NAA60: variants seen among roughly 807,000 people sequenced by gnomAD.
The protein encoded by NAA60 is N-alpha-acetyltransferase 60.
A neutral mutation model predicts 26.1 loss-of-function variants in NAA60; 8 were observed. That is an observed-to-expected ratio of 0.31 (90% CI 0.18 to 0.55). NAA60 has a LOEUF of 0.55. NAA60 is among the 20% of genes least tolerant of loss of function. The probability of loss-of-function intolerance (pLI) is 0.93; values close to 1 mark genes in which losing one functional copy is unlikely to be tolerated. For missense variants in NAA60, 290 were observed against 311.3 expected, an observed-to-expected ratio of 0.93 and a Z score of 0.51; for synonymous variants, 131 against 122.5, an observed-to-expected ratio of 1.07 and a Z score of -0.46.
At position 3,485,851 on chromosome 16, in the gene NAA60, T is replaced by C. The variant is rs553322156; in HGVS notation, c.*591T>C. ...GGGGTGGGCAGCCTGGGGGAGGCTT[T>C]CCTCGCAAGCACAGAGCTCTGAGGC... is the stretch of plus-strand genomic sequence containing the variant. On this transcript the variant is annotated 3_prime_UTR_variant, in exon 8 of 8. Transcript: ENST00000407558. 5 of 361,424 alleles carry C rather than the reference T, an allele frequency of 1.4e-5. No individual in the cohort carries two copies. Among genetic ancestry groups the C allele is most frequent in the South Asian group, 1.0e-4 (5 of 48,798 alleles). 22.4% of individuals were successfully genotyped at this position (361,424 alleles called of 1,614,324 possible). A position where few individuals can be genotyped will look rare whatever the true frequency, so the allele number is the denominator to read the frequency against.
At chr16:3,461,551 G>T (rs1386439563) in intron 2 of NAA60, among the ~76,000 whole-genome samples, 1 of 152,198 alleles carries the variant, frequency 6.6e-6, no homozygotes, top group Non-Finnish European at 1.5e-5. Context: ...TAGAGATGTT[G>T]CAATGTCTCT....
intron 2 of NAA60, among the ~76,000 whole-genome samples, chr16:3,455,964 CA>C (rs1253990965): frequency 2.6e-5 from 4 of 152,054 alleles, no homozygotes; most frequent in Admixed American, 2.6e-4. Context: ...CTTGACCTCC[CA>C]AAGTGCTGGG....
intron 2 of NAA60, among the ~76,000 whole-genome samples, chr16:3,457,637 C>T (rs1276637049): frequency 6.6e-6 from 1 of 152,214 alleles, no homozygotes; most frequent in Non-Finnish European, 1.5e-5. Flanking sequence ...GCCTTGTGCA[C>T]CTGCTTTCAG....
rs1441999011 is a variant in NAA60 at position 3,485,041 on chromosome 16, G to C, written c.*186G>C. On this transcript the variant is annotated 3_prime_UTR_variant, in exon 7 of 8. Transcript: ENST00000407558. ...GAACAGAACATCGTGGGCATGCGCA[G>C]AGCATGCCCATCCGTGGCAGGTACG... 6.6e-7 allele frequency: 1 copy of C among 1,509,594 alleles called. No individual in the cohort carries two copies. The highest frequency in any genetic ancestry group is 2.0e-5 in the Admixed American group (1 of 50,168). 93.5% of individuals were successfully genotyped at this position (1,509,594 alleles called of 1,614,324 possible). A position where few individuals can be genotyped will look rare whatever the true frequency, so the allele number is the denominator to read the frequency against.
chr16:3,484,150 A>C (rs530285185), intron 6 of NAA60, among the ~76,000 whole-genome samples: 1 of 152,244 alleles, frequency 6.6e-6, no homozygotes, highest in East Asian at 1.9e-4. Flanking sequence ...TAATAGTCAG[A>C]ATGTGGCCCA....
At chr16:3,454,723 C>T (rs1164860760) in intron 2 of NAA60, among the ~76,000 whole-genome samples, 5 of 152,180 alleles carry the variant, frequency 3.3e-5, no homozygotes, top group South Asian at 2.1e-4. Context: ...TGAACCATCC[C>T]TGTGACCGGC....
chr16:3,483,760 C>A, intron 6 of NAA60, 163 bp downstream of exon 6: 2 of 634,262 alleles, frequency 3.2e-6, no homozygotes, highest in South Asian at 3.9e-5. Context: ...AAACCTGACA[C>A]ACATTTGGGT....
intron 1 of NAA60, among the ~76,000 whole-genome samples, chr16:3,445,362 C>G (rs945470068): frequency 2.0e-5 from 3 of 151,250 alleles, no homozygotes; most frequent in African/African-American, 7.3e-5. Context: ...CAACCTCTGC[C>G]TCCGGGGTTC....
intron 3 of NAA60, 119 bp from the exon 4 acceptor site, chr16:3,479,352 G>T: frequency 9.9e-7 from 1 of 1,006,576 alleles, no homozygotes; most frequent in Non-Finnish European, 1.5e-6. Flanking sequence ...ACACTCCTCG[G>T]CAGCCTTAGA....
At chr16:3,461,186 G>A (rs2035369028) in intron 2 of NAA60, among the ~76,000 whole-genome samples, 1 of 152,194 alleles carries the variant, frequency 6.6e-6, no homozygotes, top group Admixed American at 6.5e-5. Context: ...AACCAAACGG[G>A]CATATAATAG....
chr16:3,479,892 G>A (rs1299955450), intron 4 of NAA60, among the ~76,000 whole-genome samples: 3 of 152,190 alleles, frequency 2.0e-5, no homozygotes, highest in Admixed American at 6.5e-5. Context: ...CAGTTACAAC[G>A]TGCTATGAAA....
chr16:3,450,807 G>A (rs2150947606), intron 2 of NAA60, among the ~76,000 whole-genome samples: 1 of 151,926 alleles, frequency 6.6e-6, no homozygotes, highest in East Asian at 1.9e-4. Context: ...CATTCTTCAT[G>A]GCATGTGCTC....
At chr16:3,464,906 C>T (rs1405395376) in intron 2 of NAA60, among the ~76,000 whole-genome samples, 1 of 152,202 alleles carries the variant, frequency 6.6e-6, no homozygotes, top group African/African-American at 2.4e-5. Flanking sequence ...CCTCAGTTGT[C>T]TCAAGCTGCT....
At chr16:3,482,295 T>A (rs2036886987) in intron 4 of NAA60, among the ~76,000 whole-genome samples, 1 of 152,204 alleles carries the variant, frequency 6.6e-6, no homozygotes, top group Non-Finnish European at 1.5e-5. Flanking sequence ...GTTCTTCTTT[T>A]CAGCTGTTTT....
intron 2 of NAA60, among the ~76,000 whole-genome samples, chr16:3,468,469 C>G (rs946963637): frequency 1.3e-5 from 2 of 152,314 alleles, no homozygotes; most frequent in East Asian, 1.9e-4. Context: ...AGTTCAGACA[C>G]CAGCCCCTTC....
rs1012467395 is a variant in NAA60 at position 3,484,860 on chromosome 16, G to A, written c.*5G>A. 24 of 1,555,348 alleles carry A rather than the reference G, an allele frequency of 1.5e-5. 1 individual carries two copies. The East Asian group carries it at 3.6e-4, about 24-fold the overall frequency. On this transcript the variant is annotated 3_prime_UTR_variant, in exon 7 of 8. Transcript: ENST00000407558. ...GAGTACAGCCGGACCATGTGATGTCGGCTGGGCAGCCGCCACCAGGCCCCA... is the reference window on the plus strand; with the variant it reads ...GAGTACAGCCGGACCATGTGATGTCAGCTGGGCAGCCGCCACCAGGCCCCA...
intron 2 of NAA60, among the ~76,000 whole-genome samples, chr16:3,470,926 T>C (rs1267336065): frequency 5.3e-5 from 8 of 152,224 alleles, no homozygotes; most frequent in Admixed American, 3.9e-4. Flanking sequence ...GGTGCTGTGA[T>C]GCATGCTGCA....
At chr16:3,455,650 C>T (rs1229736773) in intron 2 of NAA60, among the ~76,000 whole-genome samples, 1 of 152,050 alleles carries the variant, frequency 6.6e-6, no homozygotes, top group African/African-American at 2.4e-5. Flanking sequence ...CTGCCTTGGC[C>T]TCCCAAAGTG....
At chr16:3,479,663 G>A in intron 4 of NAA60, 63 bp downstream of exon 4, 1 of 1,578,226 alleles carries the variant, frequency 6.3e-7, no homozygotes, top group Non-Finnish European at 8.6e-7. Flanking sequence ...AAGGGGGCTT[G>A]CGATGGAATC....
Sources: allele counts gnomAD v4.1 joint callset (sites outside exome capture counted in the v4.1 genomes callset), GRCh38; gene constraint gnomAD v4.1.1; transcripts MANE v1.5; gene names NCBI Gene and HGNC (gene_info 2026-07-23, HGNC 2026-07-21).